The following SKP2 variants were observed in gnomAD, a reference collection of about 807,000 sequenced individuals.
The protein encoded by SKP2 is S-phase kinase-associated protein 2.
SKP2 carries 16 observed loss-of-function variants against 51.8 expected under a neutral mutation model. The ratio of observed to expected loss-of-function variants is 0.31; its 90% CI spans 0.21 to 0.47. The LOEUF is 0.47. Among genes scored for constraint, SKP2 ranks in the 20% least tolerant of loss-of-function variants. The pLI, the probability that SKP2 is intolerant of heterozygous loss-of-function variation, is 1.00. For synonymous variants in SKP2, 176 were observed against 198.6 expected (o/e 0.89, Z 0.96); for missense variants, 377 against 505.3 (o/e 0.75, Z 2.43).
chr5:36,169,615 A>G (rs986119792), intron 5 of SKP2, among the ~76,000 whole-genome samples: 3 of 152,230 alleles, frequency 2.0e-5, no homozygotes, highest in Admixed American at 1.3e-4. Flanking sequence ...TTCAAGTGAG[A>G]AAAGGTGAAG....
At chr5:36,174,038 G>C (rs1215046141) in intron 7 of SKP2, among the ~76,000 whole-genome samples, 1 of 152,072 alleles carries the variant, frequency 6.6e-6, no homozygotes, top group Non-Finnish European at 1.5e-5. Flanking sequence ...ACAGCATGTG[G>C]AACATTTCTT....
chr5:36,171,007 T>C (rs1363354496), intron 6 of SKP2, among the ~76,000 whole-genome samples: 1 of 152,188 alleles, frequency 6.6e-6, no homozygotes, highest in Non-Finnish European at 1.5e-5. Flanking sequence ...TGAATCTGTG[T>C]CTTGTTAATG....
chr5:36,163,194 GC>G (rs1745179147), intron 2 of SKP2, among the ~76,000 whole-genome samples: 1 of 152,106 alleles, frequency 6.6e-6, no homozygotes, highest in Non-Finnish European at 1.5e-5. Flanking sequence ...GAGAAACAAG[GC>G]CTTCCTTTGC....
At chr5:36,153,831 G>A (rs1269848481) in intron 2 of SKP2, among the ~76,000 whole-genome samples, 1 of 152,094 alleles carries the variant, frequency 6.6e-6, no homozygotes, top group East Asian at 1.9e-4. Flanking sequence ...TCAAGCAGGC[G>A]AACGAGTGCC....
chr5:36,184,577 AC>A (rs977571317), downstream of SKP2, among the ~76,000 whole-genome samples: 7 of 152,072 alleles, frequency 4.6e-5, no homozygotes, highest in African/African-American at 1.7e-4. Context: ...CCATGTCCCT[AC>A]AAAGGACATG....
At chr5:36,155,810 C>T (rs1313090991) in intron 2 of SKP2, among the ~76,000 whole-genome samples, 1 of 152,120 alleles carries the variant, frequency 6.6e-6, no homozygotes, top group Non-Finnish European at 1.5e-5. Context: ...TATGCCCTTC[C>T]ACAAGTGAAA....
At chr5:36,188,629 G>A (rs1398229589), downstream of SKP2, among the ~76,000 whole-genome samples, 2 of 152,166 alleles carry the variant, frequency 1.3e-5, no homozygotes, top group African/African-American at 4.8e-5. Context: ...CCCTTTATGG[G>A]TAACCCGACC....
chr5:36,188,168 G>A (rs1347346421), downstream of SKP2, among the ~76,000 whole-genome samples: 1 of 152,124 alleles, frequency 6.6e-6, no homozygotes, highest in African/African-American at 2.4e-5. Flanking sequence ...ACACTGATGG[G>A]TCTTGACTCT....
rs1434711519 is a variant in SKP2 at position 36,171,648 on chromosome 5, G to A, written c.816G>A (p.Lys272=). ...NLSWCFDFTE[K]HVQVAVAHVS... The stretch of plus-strand genomic sequence containing the variant: ...CCTGGTGTTTTGATTTCACTGAAAA[G>A]CATGTACAGGTGGCTGTTGCGCATG... The change falls in exon 7 of 10, where the codon AAG becomes AAA. Residue 272 remains lysine, a synonymous_variant. Transcript: ENST00000274255. The A allele has an allele frequency of 1.2e-6, 2 of 1,613,750 alleles. No homozygotes were observed. Among genetic ancestry groups the A allele is most frequent in the East Asian group, 2.2e-5 (1 of 44,886 alleles).
chr5:36,181,786 G>A (rs536339459), intron 9 of SKP2, 32 bp from the exon 10 acceptor site: 2 of 1,612,330 alleles, frequency 1.2e-6, no homozygotes, highest in South Asian at 1.1e-5. Flanking sequence ...CATAGATACT[G>A]CTATTCTGAA....
intron 2 of SKP2, among the ~76,000 whole-genome samples, chr5:36,155,377 GC>G (rs2111945519): frequency 6.6e-6 from 1 of 152,298 alleles, no homozygotes; most frequent in Non-Finnish European, 1.5e-5. Context: ...CCTCATTCTT[GC>G]GTTTATCAGC....
chr5:36,185,948 C>T (rs1218977096), downstream of SKP2, among the ~76,000 whole-genome samples: 1 of 152,172 alleles, frequency 6.6e-6, no homozygotes, highest in East Asian at 1.9e-4. Flanking sequence ...GTTTGTAACT[C>T]TCCTTGAAGA....
chr5:36,166,710 A>G (rs1376983420), intron 4 of SKP2, 48 bp downstream of exon 4: 1 of 1,494,504 alleles, frequency 6.7e-7, no homozygotes, highest in Non-Finnish European at 9.3e-7. Context: ...ATTTCGAGGT[A>G]GAAACAGATC....
intron 2 of SKP2, among the ~76,000 whole-genome samples, chr5:36,161,254 A>G (rs1261023234): frequency 1.3e-5 from 2 of 151,034 alleles, no homozygotes; most frequent in African/African-American, 2.4e-5. Context: ...GGATGAATGT[A>G]TCAATTTTAT....
At chr5:36,169,234 T>C (rs764450428) in intron 5 of SKP2, among the ~76,000 whole-genome samples, 28 of 152,042 alleles carry the variant, frequency 1.8e-4, no homozygotes, top group Non-Finnish European at 3.5e-4. Flanking sequence ...CACCTGAGGT[T>C]GGGAGTTTGA....
At chr5:36,156,066 G>C (rs1453534400) in intron 2 of SKP2, among the ~76,000 whole-genome samples, 2 of 152,174 alleles carry the variant, frequency 1.3e-5, no homozygotes, top group Admixed American at 6.5e-5. Context: ...GACTTCAAAA[G>C]TATATATCTG....
intron 3 of SKP2, among the ~76,000 whole-genome samples, chr5:36,165,861 A>T (rs963321354): frequency 5.3e-5 from 8 of 152,204 alleles, no homozygotes; most frequent in African/African-American, 1.7e-4. Flanking sequence ...CGTTTTTAGA[A>T]CATCCCTTTT....
intron 1 of SKP2, among the ~76,000 whole-genome samples, 157 bp downstream of exon 1, chr5:36,152,427 T>C (rs2111933322): frequency 6.6e-6 from 1 of 152,308 alleles, no homozygotes; most frequent in South Asian, 2.1e-4. Context: ...ATGGATGCCT[T>C]AGTGCGGGGA....
chr5:36,172,170 A>G (rs1011613320), intron 7 of SKP2, among the ~76,000 whole-genome samples: 2 of 152,242 alleles, frequency 1.3e-5, no homozygotes, highest in East Asian at 3.8e-4. Context: ...ATGGTCTCTC[A>G]TGGGCGGAAG....
Sources: gnomAD v4.1 joint callset for allele counts (sites outside exome capture counted in the v4.1 genomes callset) on GRCh38, gnomAD v4.1.1 for gene constraint, MANE v1.5 for transcripts, NCBI Gene and HGNC (gene_info 2026-07-23, HGNC 2026-07-21) for gene names.